Variants in KIAA1217 observed in about 807,000 individuals in gnomAD.
The protein encoded by KIAA1217 is KIAA1217.
A neutral mutation model predicts 163.9 loss-of-function variants in KIAA1217; 88 were observed. The observed-to-expected ratio is 0.54, with a 90% CI of 0.45 to 0.64. The LOEUF is 0.64. Ranked by LOEUF, KIAA1217 falls within the 30% of genes least tolerant of loss-of-function variation. The pLI, the probability that KIAA1217 is intolerant of heterozygous loss-of-function variation, is 0.00. For synonymous variants in KIAA1217, 903 were observed against 923.1 expected, an observed-to-expected ratio of 0.98 and a Z score of 0.39; for missense variants, 2,372 against 2,475.0, an observed-to-expected ratio of 0.96 and a Z score of 0.88.
intron 2 of KIAA1217, among the ~76,000 whole-genome samples, chr10:24,172,884 C>A (rs1259848624): frequency 6.6e-6 from 1 of 152,212 alleles, no homozygotes; most frequent in African/African-American, 2.4e-5. Context: ...CCTAAGTGAA[C>A]TGTGGACTGT....
At chr10:24,532,130 C>A in intron 15 of KIAA1217, 137 bp downstream of exon 15, 1 of 719,688 alleles carries the variant, frequency 1.4e-6, no homozygotes, top group Non-Finnish European at 2.0e-6. Flanking sequence ...CAGGAAGCAC[C>A]ACAGATGGAA....
chr10:24,156,330 A>C (rs1361040936), intron 2 of KIAA1217, among the ~76,000 whole-genome samples: 1 of 152,090 alleles, frequency 6.6e-6, no homozygotes, highest in Non-Finnish European at 1.5e-5. Context: ...GTAGTAGCCT[A>C]TTGTTTGGAT....
At chr10:24,358,291 T>C (rs1262684287) in intron 2 of KIAA1217, among the ~76,000 whole-genome samples, 1 of 152,170 alleles carries the variant, frequency 6.6e-6, no homozygotes, top group Non-Finnish European at 1.5e-5. Context: ...GTCATCCCGA[T>C]GTCCATGGGC....
At chr10:23,912,312 A>G in intron 1 of KIAA1217, among the ~76,000 whole-genome samples, 1 of 152,106 alleles carries the variant, frequency 6.6e-6, no homozygotes, top group East Asian at 1.9e-4. Flanking sequence ...GCTCAAAGGT[A>G]AATGTTGTGG....
intron 1 of KIAA1217, among the ~76,000 whole-genome samples, chr10:23,849,582 G>A (rs773800373): frequency 6.6e-6 from 1 of 152,150 alleles, no homozygotes; most frequent in Non-Finnish European, 1.5e-5. Flanking sequence ...CTCTCTGTGA[G>A]TTAATGGGTG....
At chr10:23,951,582 C>T (rs1044950145) in intron 1 of KIAA1217, among the ~76,000 whole-genome samples, 7 of 151,952 alleles carry the variant, frequency 4.6e-5, no homozygotes, top group East Asian at 1.9e-4. Flanking sequence ...GAGCCTGGGA[C>T]GTGGAAGCTG....
chr10:24,082,029 G>T (rs1005827161), intron 2 of KIAA1217, among the ~76,000 whole-genome samples: 4 of 152,116 alleles, frequency 2.6e-5, no homozygotes, highest in African/African-American at 9.7e-5. Context: ...ACTCAATCTG[G>T]CATTCATGTC....
At chr10:24,511,814 G>A (rs1034930645) in intron 9 of KIAA1217, among the ~76,000 whole-genome samples, 2 of 152,170 alleles carry the variant, frequency 1.3e-5, no homozygotes, top group Non-Finnish European at 2.9e-5. Flanking sequence ...TTCCCTCCCA[G>A]ACAAAATGCC....
At chr10:23,809,353 A>G (rs1296323333) in intron 1 of KIAA1217, among the ~76,000 whole-genome samples, 1 of 152,050 alleles carries the variant, frequency 6.6e-6, no homozygotes, top group African/African-American at 2.4e-5. Flanking sequence ...TATTAATTAA[A>G]TCTAGACTTA....
intron 10 of KIAA1217, 118 bp from the exon 11 acceptor site, chr10:24,520,005 A>G (rs989947672): frequency 1.1e-5 from 13 of 1,148,558 alleles, no homozygotes; most frequent in Non-Finnish European, 1.6e-5. Flanking sequence ...CACGAAAGGC[A>G]GGGGGGAGGA....
chr10:24,531,842 A>G lies in KIAA1217; in HGVS notation c.3095A>G (p.Asn1032Ser), dbSNP rs1182984606. Residue 1032 changes from asparagine to serine, a missense_variant, in exon 15 of 21, where the codon AAT becomes AGT. Physicochemically the swap from Asn to Ser is conservative, Grantham distance 46. Around this residue, in one of 3 missense-constraint regions of KIAA1217, gnomAD observed 1,431 missense variants for 1,470.3 expected, o/e 0.97. Coordinates refer to ENST00000376454, the MANE Select transcript of KIAA1217 (RefSeq NM_019590.5). Reference sequence around the variant, plus strand: ...CACTGTTTTCCAGAAGATTCTCCAAATTCGGAACAGGACTTGGAAAAGCTG... The same window carrying G: ...CACTGTTTTCCAGAAGATTCTCCAAGTTCGGAACAGGACTTGGAAAAGCTG... ...DKVELSEDSPNSEQDLEKLGG... is the reference protein window; with the variant it reads ...DKVELSEDSPSSEQDLEKLGG... The G allele has an allele frequency of 6.3e-7, 1 of 1,591,498 alleles. No homozygotes were observed. The highest frequency in any genetic ancestry group is 8.6e-7 in the Non-Finnish European group (1 of 1,168,794).
rs376900242 is a variant in KIAA1217 at position 24,520,114 on chromosome 10, C to G, written c.2178-9C>G. On this transcript the variant is annotated splice_polypyrimidine_tract_variant and intron_variant, in intron 10 of 20. Coordinates refer to ENST00000376454, the MANE Select transcript of KIAA1217 (RefSeq NM_019590.5). ...TCAGCTCTATGTGCTGGTGTCCTTG[C>G]TCCCGCAGCGAGTTGGAAGACTTTG... 5.6e-6 allele frequency: 9 copies of G among 1,613,212 alleles called. No individual in the cohort carries two copies. Among genetic ancestry groups the G allele is most frequent in the Non-Finnish European group, 7.6e-6 (9 of 1,179,530 alleles).
chr10:24,054,134 G>C (rs11013866), intron 2 of KIAA1217, among the ~76,000 whole-genome samples: 5 of 152,042 alleles, frequency 3.3e-5, no homozygotes, highest in Admixed American at 2.0e-4. Context: ...TGTGGGCTCT[G>C]TGACAAAAAT....
rs375041977 is a variant in KIAA1217 at position 23,789,513 on chromosome 10, A to T, written c.-321+94279A>T. Among the ~76,000 whole-genome samples the T allele has an allele frequency of 1.1e-4, 17 of 152,274 alleles. No individual in the cohort carries two copies. The East Asian group carries it at 2.7e-3, about 24-fold the overall frequency. ...CTTGAGACTCAGAATTTTCTTCTGC[A>T]CAATGGGATGATAATGGAATCCAAG... is the stretch of plus-strand genomic sequence containing the variant. On this transcript the variant is annotated intron_variant, in intron 1 of 18. Coordinates refer to the KIAA1217 transcript ENST00000376462.
At chr10:24,092,027 C>T (rs532865399) in intron 2 of KIAA1217, among the ~76,000 whole-genome samples, 1 of 151,742 alleles carries the variant, frequency 6.6e-6, no homozygotes, top group African/African-American at 2.4e-5. Flanking sequence ...GCCAGTCCCT[C>T]CCATCCTACC....
intron 2 of KIAA1217, chr10:24,158,869 C>T (rs1039120413): frequency 3.4e-6 from 1 of 294,448 alleles, no homozygotes; most frequent in Non-Finnish European, 6.9e-6. Context: ...AGTTATATAA[C>T]TGTTCCTGCA....
chr10:24,285,907 C>G (rs1001109188), intron 2 of KIAA1217, among the ~76,000 whole-genome samples: 2 of 152,072 alleles, frequency 1.3e-5, no homozygotes, highest in East Asian at 3.9e-4. Context: ...TTACAGAGAT[C>G]TTTCACCTCT....
intron 4 of KIAA1217, among the ~76,000 whole-genome samples, chr10:24,435,103 T>C (rs1591907939): frequency 6.6e-6 from 1 of 152,340 alleles, no homozygotes; most frequent in East Asian, 1.9e-4. Context: ...TAAACTGATC[T>C]GTATCTACCA....
At chr10:23,807,976 A>T (rs891271894) in intron 1 of KIAA1217, among the ~76,000 whole-genome samples, 4 of 152,236 alleles carry the variant, frequency 2.6e-5, no homozygotes, top group African/African-American at 9.6e-5. Flanking sequence ...AAAAGGAAAC[A>T]GCAACTGCAC....
Sources: gnomAD v4.1 joint callset for allele counts (sites outside exome capture counted in the v4.1 genomes callset) on GRCh38, gnomAD v4.1.1 for gene constraint, gnomAD v4.1.1 regional missense constraint, MANE v1.5 for transcripts, NCBI Gene and HGNC (gene_info 2026-07-23, HGNC 2026-07-21) for gene names.